Variants in KCTD8 observed in about 807,000 individuals in gnomAD.
KCTD8 encodes the protein potassium channel tetramerization domain containing 8.
A neutral mutation model predicts 31.5 loss-of-function variants in KCTD8; 27 were observed. The ratio of observed to expected loss-of-function variants is 0.86; its 90% CI spans 0.63 to 1.18. The LOEUF (loss-of-function observed/expected upper bound fraction) is 1.18, where lower values mean the gene tolerates loss of function less well. Among genes scored for constraint, KCTD8 ranks in the 50% most tolerant of loss-of-function variants. The probability of loss-of-function intolerance (pLI) is 0.00; values close to 1 mark genes in which losing one functional copy is unlikely to be tolerated. For synonymous variants in KCTD8, 290 were observed against 280.0 expected (o/e 1.04, Z -0.36); for missense variants, 658 against 647.7 (o/e 1.02, Z -0.17).
chr4:44,323,507 C>CCT lies in KCTD8; in HGVS notation c.961+124055_961+124056insAG, dbSNP rs777916640. On this transcript the variant is annotated intron_variant, in intron 1 of 1. Transcript: ENST00000360029. ...GAAACTCCATCCCCACCCACCCCCCCCCAAAAAAAATTAAAAATTAAAAAA... is the reference window on the plus strand; with the variant it reads ...GAAACTCCATCCCCACCCACCCCCCCCTCCAAAAAAAATTAAAAATTAAAAAA... 2.4e-3 allele frequency among the ~76,000 whole-genome samples: 319 copies of CCT among 135,690 alleles called. 7 individuals carry two copies. Among genetic ancestry groups the CCT allele is most frequent in the Middle Eastern group, 0.019 (5 of 270 alleles). The allele number at this position is 135,690 out of a possible 152,430, so 89.0% of individuals were successfully genotyped here.
chr4:44,207,257 G>A (rs751983022), intron 1 of KCTD8, among the ~76,000 whole-genome samples: 18 of 152,274 alleles, frequency 1.2e-4, no homozygotes, highest in Non-Finnish European at 1.9e-4. Context: ...CAGTGCAAAT[G>A]GTGAAGTTAT....
At chr4:44,265,768 C>T (rs1429273536) in intron 1 of KCTD8, among the ~76,000 whole-genome samples, 1 of 151,982 alleles carries the variant, frequency 6.6e-6, no homozygotes, top group Admixed American at 6.6e-5. Flanking sequence ...GGAGCCGACG[C>T]AATCAACTGG....
At chr4:44,348,578 T>C (rs1719100265) in intron 1 of KCTD8, among the ~76,000 whole-genome samples, 1 of 152,216 alleles carries the variant, frequency 6.6e-6, no homozygotes, top group Non-Finnish European at 1.5e-5. Flanking sequence ...TAAGTTTTTA[T>C]TTGTATACTA....
rs10938342 is a variant in KCTD8 at position 44,442,774 on chromosome 4, T to TACACACGTATAC, written c.961+4788_961+4789insGTATACGTGTGT. Reference sequence around the variant, plus strand: ...AAGAGGCTTTTTCTTAACTAAGGTATACACACACACACACACACACACACA... The same window carrying TACACACGTATAC: ...AAGAGGCTTTTTCTTAACTAAGGTATACACACGTATACACACACACACACACACACACACACA... On this transcript the variant is annotated intron_variant, in intron 1 of 1. Coordinates refer to ENST00000360029, the MANE Select transcript of KCTD8 (RefSeq NM_198353.3). Among the ~76,000 whole-genome samples, 581 of 147,270 alleles carry TACACACGTATAC rather than the reference T, an allele frequency of 3.9e-3. 2 individuals carry two copies. Among genetic ancestry groups the TACACACGTATAC allele is most frequent in the African/African-American group, 0.012 (490 of 39,786 alleles).
chr4:44,257,637 T>C (rs1046085457), intron 1 of KCTD8, among the ~76,000 whole-genome samples: 2 of 152,068 alleles, frequency 1.3e-5, no homozygotes, highest in African/African-American at 4.8e-5. Context: ...CACTTCTAGT[T>C]AGACGTCTTT....
At position 44,342,517 on chromosome 4, in the gene KCTD8, T is replaced by C. The variant is rs531437822; in HGVS notation, c.961+105046A>G. On this transcript the variant is annotated intron_variant, in intron 1 of 1. Coordinates refer to ENST00000360029, the MANE Select transcript of KCTD8 (RefSeq NM_198353.3). ...ATTTATAGAGCACACGTCAAGTATA[T>C]TTAGCATAATTCTTAAGAGCTCTAG... Among the ~76,000 whole-genome samples, 26 of 152,192 alleles carry C rather than the reference T, an allele frequency of 1.7e-4. 1 individual carries two copies. The highest frequency in any genetic ancestry group is 5.2e-4 in the Admixed American group (8 of 15,274).
At chr4:44,270,026 C>A (rs1381365395) in intron 1 of KCTD8, among the ~76,000 whole-genome samples, 2 of 152,174 alleles carry the variant, frequency 1.3e-5, no homozygotes, top group Admixed American at 6.5e-5. Context: ...TTTGACCCAG[C>A]CATCCCGTTA....
At chr4:44,323,085 A>C (rs1306995990) in intron 1 of KCTD8, among the ~76,000 whole-genome samples, 1 of 152,054 alleles carries the variant, frequency 6.6e-6, no homozygotes, top group Admixed American at 6.5e-5. Context: ...TTGTTGTTGC[A>C]TACAAATTTT....
intron 1 of KCTD8, among the ~76,000 whole-genome samples, chr4:44,404,554 T>C (rs1332068171): frequency 1.3e-5 from 2 of 152,198 alleles, no homozygotes; most frequent in East Asian, 3.8e-4. Flanking sequence ...GTATAGAGCT[T>C]TCCTGAAACA....
chr4:44,409,821 G>C (rs2109462899), intron 1 of KCTD8, among the ~76,000 whole-genome samples: 1 of 150,074 alleles, frequency 6.7e-6, no homozygotes, highest in African/African-American at 2.4e-5. Flanking sequence ...GGTTAGAATA[G>C]TGATTACAGG....
chr4:44,290,606 G>C (rs1319489900), intron 1 of KCTD8, among the ~76,000 whole-genome samples: 1 of 152,078 alleles, frequency 6.6e-6, no homozygotes, highest in Non-Finnish European at 1.5e-5. Context: ...ACCATATCAA[G>C]CACTCTCTTG....
At chr4:44,353,810 C>T (rs566840298) in intron 1 of KCTD8, among the ~76,000 whole-genome samples, 3 of 152,172 alleles carry the variant, frequency 2.0e-5, no homozygotes, top group African/African-American at 7.2e-5. Context: ...CCAAAGTAAA[C>T]TTTTAATACT....
chr4:44,200,652 T>A (rs538255611), intron 1 of KCTD8, among the ~76,000 whole-genome samples: 1 of 152,008 alleles, frequency 6.6e-6, no homozygotes, highest in Non-Finnish European at 1.5e-5. Context: ...TGAAGAAACA[T>A]ACCTCAAAAT....
At chr4:44,350,636 T>C (rs1257199433) in intron 1 of KCTD8, among the ~76,000 whole-genome samples, 1 of 152,212 alleles carries the variant, frequency 6.6e-6, no homozygotes, top group Non-Finnish European at 1.5e-5. Context: ...TCTTTTTATG[T>C]ATGACTGCTC....
chr4:44,403,092 A>G (rs1360416607), intron 1 of KCTD8, among the ~76,000 whole-genome samples: 1 of 152,202 alleles, frequency 6.6e-6, no homozygotes, highest in African/African-American at 2.4e-5. Context: ...TTAAAAATTC[A>G]TCAACACATG....
chr4:44,447,708 C>T lies in KCTD8; in HGVS notation c.816G>A (p.Lys272=), dbSNP rs1560457432. The change falls in exon 1 of 2, where the codon AAG becomes AAA. Residue 272 remains lysine, a synonymous_variant. Transcript: ENST00000360029. ...CAAAGGCCTGCTCCAAGTAGGTGAA[C>T]TTGAGGTAGAAGCGGGACGTGTACT... ...PEKYTSRFYL[K]FTYLEQAFDR... 6.2e-7 allele frequency: 1 copy of T among 1,612,640 alleles called. No homozygotes were observed. Among genetic ancestry groups the T allele is most frequent in the African/African-American group, 1.3e-5 (1 of 75,040 alleles).
At chr4:44,347,243 T>C (rs1057297188) in intron 1 of KCTD8, among the ~76,000 whole-genome samples, 1 of 152,214 alleles carries the variant, frequency 6.6e-6, no homozygotes, top group Non-Finnish European at 1.5e-5. Context: ...GTACACCTAA[T>C]AAATGAAAGG....
In KCTD8 at chr4:44,294,820, T is replaced by C. The variant is rs75943150; in HGVS notation, c.962-119570A>G. Among the ~76,000 whole-genome samples the C allele has an allele frequency of 1.7e-3, 255 of 152,292 alleles. 1 individual carries two copies. Among genetic ancestry groups the C allele is most frequent in the Admixed American group, 2.6e-3 (40 of 15,274 alleles). On this transcript the variant is annotated intron_variant, in intron 1 of 1. Coordinates refer to ENST00000360029, the MANE Select transcript of KCTD8 (RefSeq NM_198353.3). ...AGAACAGATTAAGGTAGAGTTGATT[T>C]GCTAAAAGCAGAGTGAGAGATGAGC...
intron 1 of KCTD8, among the ~76,000 whole-genome samples, chr4:44,325,500 A>T (rs2109408998): frequency 6.6e-6 from 1 of 151,978 alleles, no homozygotes; most frequent in Admixed American, 6.5e-5. Flanking sequence ...GTGTAACTGG[A>T]TTGTTTGTAA....
Sources: allele counts gnomAD v4.1 joint callset (sites outside exome capture counted in the v4.1 genomes callset), GRCh38; gene constraint gnomAD v4.1.1; transcripts MANE v1.5; gene names NCBI Gene and HGNC (gene_info 2026-07-23, HGNC 2026-07-21).